The following CSMD1 variants were observed in gnomAD, a reference collection of about 807,000 sequenced individuals.
CSMD1 encodes the protein CUB and sushi domain-containing protein 1.
A neutral mutation model predicts 417.5 loss-of-function variants in CSMD1; 213 were observed. That is an observed-to-expected ratio of 0.51 (90% CI 0.46 to 0.57). CSMD1 has a LOEUF of 0.57. CSMD1 is among the 20% of genes least tolerant of loss of function. The pLI is 0.00. For missense variants in CSMD1, 6,923 were observed against 4,529.7 expected (o/e 1.53, Z -15.17); for synonymous variants, 2,862 against 1,736.8 (o/e 1.65, Z -16.11).
intron 5 of CSMD1, among the ~76,000 whole-genome samples, chr8:3,796,914 T>A (rs1465911083): frequency 1.3e-5 from 2 of 151,904 alleles, no homozygotes; most frequent in East Asian, 3.9e-4. Context: ...CAACTCATTA[T>A]AGCCTAATGA....
At chr8:3,569,939 AC>A (rs1280201101) in intron 10 of CSMD1, among the ~76,000 whole-genome samples, 1 of 152,220 alleles carries the variant, frequency 6.6e-6, no homozygotes, top group Non-Finnish European at 1.5e-5. Flanking sequence ...AAGCAATATA[AC>A]ACAAAATAAC....
chr8:4,934,599 G>A (rs147814150), intron 1 of CSMD1, among the ~76,000 whole-genome samples: 1 of 151,976 alleles, frequency 6.6e-6, no homozygotes, highest in Admixed American at 6.6e-5. Flanking sequence ...CCAATATAAT[G>A]TCTACCTTTT....
chr8:4,175,508 G>A (rs1177568590), intron 3 of CSMD1, among the ~76,000 whole-genome samples: 3 of 152,034 alleles, frequency 2.0e-5, no homozygotes, highest in African/African-American at 7.3e-5. Context: ...ATTACACAAA[G>A]ACAACTGATA....
At chr8:4,317,348 C>T (rs746883411) in intron 3 of CSMD1, among the ~76,000 whole-genome samples, 25 of 152,232 alleles carry the variant, frequency 1.6e-4, no homozygotes, top group Non-Finnish European at 3.1e-4. Flanking sequence ...ATTAGACTCC[C>T]ACGTCTGTGT....
At chr8:4,032,721 T>A (rs1160173040) in intron 3 of CSMD1, among the ~76,000 whole-genome samples, 1 of 152,228 alleles carries the variant, frequency 6.6e-6, no homozygotes, top group African/African-American at 2.4e-5. Context: ...TAGTGTCTGA[T>A]TCAAAAGCAA....
At chr8:4,138,788 A>C (rs1349167101) in intron 3 of CSMD1, among the ~76,000 whole-genome samples, 2 of 152,218 alleles carry the variant, frequency 1.3e-5, no homozygotes, top group East Asian at 3.8e-4. Context: ...CACTATGAAC[A>C]GTGGCTTTCA....
intron 12 of CSMD1, among the ~76,000 whole-genome samples, chr8:3,436,150 A>G (rs1814547987): frequency 6.6e-6 from 1 of 151,996 alleles, no homozygotes; most frequent in Admixed American, 6.5e-5. Flanking sequence ...TTCTTTATTG[A>G]ATTTATTACC....
chr8:4,625,414 C>G (rs1016594332), intron 2 of CSMD1, among the ~76,000 whole-genome samples: 2 of 152,020 alleles, frequency 1.3e-5, no homozygotes, highest in South Asian at 4.1e-4. Flanking sequence ...TTGAAGCAGT[C>G]GCCTCTTTGA....
intron 62 of CSMD1, 58 bp from the exon 63 acceptor site, chr8:2,957,865 TAG>T: frequency 8.6e-7 from 1 of 1,162,050 alleles, no homozygotes; most frequent in South Asian, 1.3e-5. Flanking sequence ...AAGTGTCAAC[TAG>T]TGATACCTGA....
chr8:4,542,959 T>C (rs1272724966), intron 2 of CSMD1, among the ~76,000 whole-genome samples: 1 of 152,204 alleles, frequency 6.6e-6, no homozygotes, highest in Non-Finnish European at 1.5e-5. Flanking sequence ...AATCATGGCA[T>C]ATTTGCAATT....
intron 28 of CSMD1, among the ~76,000 whole-genome samples, chr8:3,222,616 T>C (rs1405682980): frequency 6.6e-6 from 1 of 152,170 alleles, no homozygotes; most frequent in Non-Finnish European, 1.5e-5. Context: ...GCTTCAACTG[T>C]TAACCCATTT....
intron 12 of CSMD1, among the ~76,000 whole-genome samples, chr8:3,459,417 G>C (rs761885132): frequency 2.6e-5 from 4 of 152,158 alleles, no homozygotes; most frequent in African/African-American, 4.8e-5. Context: ...TGCAGCACCA[G>C]TGCCACAGGA....
intron 17 of CSMD1, among the ~76,000 whole-genome samples, chr8:3,391,183 G>C (rs563123449): frequency 4.9e-4 from 75 of 152,232 alleles, no homozygotes; most frequent in African/African-American, 1.7e-3. Flanking sequence ...CAAACAATTG[G>C]TGTGGTGTGC....
At chr8:3,842,478 T>C (rs1357791490) in intron 5 of CSMD1, among the ~76,000 whole-genome samples, 1 of 152,162 alleles carries the variant, frequency 6.6e-6, no homozygotes, top group Non-Finnish European at 1.5e-5. Context: ...ATTACTAGTA[T>C]TAAATATTTT....
intron 1 of CSMD1, among the ~76,000 whole-genome samples, chr8:4,726,274 A>G (rs1288469156): frequency 6.6e-6 from 1 of 151,636 alleles, no homozygotes; most frequent in African/African-American, 2.4e-5. Context: ...CGCTTCTTTG[A>G]TCCTTTGTAG....
intron 26 of CSMD1, among the ~76,000 whole-genome samples, chr8:3,262,555 A>G (rs1251776360): frequency 6.6e-6 from 1 of 152,070 alleles, no homozygotes; most frequent in African/African-American, 2.4e-5. Flanking sequence ...AAAAAGAAAA[A>G]GAAAAAATCA....
At chr8:3,843,585 T>C (rs533210690) in intron 5 of CSMD1, among the ~76,000 whole-genome samples, 12 of 151,638 alleles carry the variant, frequency 7.9e-5, no homozygotes, top group African/African-American at 2.9e-4. Context: ...ATGCATCCAG[T>C]TGGAAGTTTA....
rs1817185666 is a variant in CSMD1 at position 3,472,886 on chromosome 8, T to C, written c.1449-4062A>G. ...GTCATCGGCCACTAGAAGTAACTGT[T>C]GGGGGAGTTTATTTTCCTCGTACTT... On this transcript the variant is annotated intron_variant, in intron 11 of 69. Transcript: ENST00000635120. 1.3e-5 allele frequency among the ~76,000 whole-genome samples: 2 copies of C among 152,202 alleles called. 1 individual carries two copies. The highest frequency in any genetic ancestry group is 4.2e-4 in the South Asian group (2 of 4,816).
At chr8:3,285,292 T>C (rs956896608) in intron 25 of CSMD1, among the ~76,000 whole-genome samples, 2 of 152,178 alleles carry the variant, frequency 1.3e-5, no homozygotes, top group African/African-American at 4.8e-5. Flanking sequence ...GTGTGGTGTA[T>C]TTTTAAAATA....
Sources: allele counts gnomAD v4.1 joint callset (sites outside exome capture counted in the v4.1 genomes callset), GRCh38; gene constraint gnomAD v4.1.1; transcripts MANE v1.5; gene names NCBI Gene and HGNC (gene_info 2026-07-23, HGNC 2026-07-21).